The following SLC10A7 variants were observed in gnomAD, a reference collection of about 807,000 sequenced individuals.
The protein encoded by SLC10A7 is sodium/bile acid cotransporter 7.
Under a neutral mutation model 43.2 loss-of-function variants are expected in SLC10A7, and 29 were observed. The observed-to-expected ratio is 0.67, with a 90% CI of 0.50 to 0.92. The LOEUF is 0.92. SLC10A7 is among the 40% of genes least tolerant of loss of function. The pLI is 0.00. For missense variants in SLC10A7, 295 were observed against 403.2 expected (o/e 0.73, Z 2.30); for synonymous variants, 152 against 144.8 (o/e 1.05, Z -0.35).
At chr4:146,283,075 C>T in intron 10 of SLC10A7, 117 bp downstream of exon 10, 1 of 767,124 alleles carries the variant, frequency 1.3e-6, no homozygotes, top group Non-Finnish European at 2.2e-6. Flanking sequence ...TGTTCCTTAT[C>T]TAATAGTGTG....
chr4:146,370,648 C>G (rs556114849), intron 5 of SLC10A7, among the ~76,000 whole-genome samples: 11 of 152,222 alleles, frequency 7.2e-5, no homozygotes, highest in Non-Finnish European at 1.6e-4. Context: ...CGGCATTCAG[C>G]CTTTTTTAAT....
At chr4:146,463,659 T>C (rs539029912) in intron 4 of SLC10A7, among the ~76,000 whole-genome samples, 2 of 152,096 alleles carry the variant, frequency 1.3e-5, no homozygotes, top group East Asian at 3.9e-4. Context: ...GAGGATTGCT[T>C]GGGCTCATGA....
intron 10 of SLC10A7, among the ~76,000 whole-genome samples, chr4:146,267,470 G>A (rs534854746): frequency 2.0e-5 from 3 of 152,276 alleles, no homozygotes; most frequent in East Asian, 3.9e-4. Context: ...CACAGATCAC[G>A]TGACCTGCTC....
chr4:146,285,627 C>A (rs1227565706), intron 9 of SLC10A7, among the ~76,000 whole-genome samples: 1 of 151,974 alleles, frequency 6.6e-6, no homozygotes, highest in Non-Finnish European at 1.5e-5. Flanking sequence ...GAAGGAAGAA[C>A]CAAAGAGAAA....
At chr4:146,467,992 A>ATATTTAATATATATTAAAT (rs1579265758) in intron 4 of SLC10A7, among the ~76,000 whole-genome samples, 1 of 152,294 alleles carries the variant, frequency 6.6e-6, no homozygotes, top group East Asian at 1.9e-4. Context: ...GGGAGAAGAG[A>ATATTTAATATATATTAAAT]GATATTACAG....
chr4:146,517,081 A>G lies in SLC10A7; in HGVS notation c.140T>C (p.Val47Ala). The change falls in exon 2 of 12, where the codon GTT (valine) becomes GCT (alanine). Residue 47 changes from valine (V) to alanine (A), a missense_variant. Physicochemically the swap from Val to Ala is moderately conservative, Grantham distance 64 (BLOSUM62 0). Around this residue, in one of 2 missense-constraint regions of SLC10A7, gnomAD observed 242 missense variants for 362.5 expected, o/e 0.67. Coordinates refer to ENST00000335472, the MANE Select transcript of SLC10A7 (RefSeq NM_001029998.6). Reference sequence around the variant, plus strand: ...TCCACTGTTAAAGAATATTGTTGCAACAGCAATGTAGGATACAGTTATTTC... The same window carrying G: ...TCCACTGTTAAAGAATATTGTTGCAGCAGCAATGTAGGATACAGTTATTTC... ...KPEITVSYIA[V>A]ATIFFNSGLS... 6.2e-7 allele frequency: 1 copy of G among 1,610,890 alleles called. No homozygotes were observed. Among genetic ancestry groups the G allele is most frequent in the African/African-American group, 1.3e-5 (1 of 74,998 alleles).
intron 5 of SLC10A7, among the ~76,000 whole-genome samples, chr4:146,329,870 TTTAA>T (rs1733414573): frequency 6.6e-6 from 1 of 152,242 alleles, no homozygotes; most frequent in Admixed American, 6.5e-5. Flanking sequence ...TGCAGCTCAA[TTTAA>T]TTATTTCTCT....
At chr4:146,363,177 T>C (rs1437901510) in intron 5 of SLC10A7, among the ~76,000 whole-genome samples, 2 of 152,058 alleles carry the variant, frequency 1.3e-5, no homozygotes, top group Non-Finnish European at 2.9e-5. Context: ...AAAAAGATAT[T>C]CTATGCAAAT....
intron 4 of SLC10A7, among the ~76,000 whole-genome samples, chr4:146,459,442 T>C (rs1732342926): frequency 6.6e-6 from 1 of 151,736 alleles, no homozygotes; most frequent in African/African-American, 2.4e-5. Flanking sequence ...GTTATGCTAA[T>C]CAAGATAATG....
At chr4:146,385,089 AT>A (rs1197848275) in intron 5 of SLC10A7, among the ~76,000 whole-genome samples, 18 of 151,846 alleles carry the variant, frequency 1.2e-4, no homozygotes, top group Non-Finnish European at 1.9e-4. Flanking sequence ...TCTCCTTAGT[AT>A]TTTTTCTCTT....
rs1353943846 is a variant in SLC10A7 at position 146,443,514 on chromosome 4, C to T, written c.397-693G>A. Among the ~76,000 whole-genome samples the T allele has an allele frequency of 2.0e-5, 3 of 152,180 alleles. No individual in the cohort carries two copies. The East Asian group carries it at 5.8e-4, about 29-fold the overall frequency. On this transcript the variant is annotated intron_variant, in intron 4 of 11. Coordinates refer to ENST00000335472, the MANE Select transcript of SLC10A7 (RefSeq NM_001029998.6). ...ATATTCAATGAAGCTATACCAGAGT[C>T]CTGCAAGCTTCTCACATTACCCAAA...
intron 5 of SLC10A7, among the ~76,000 whole-genome samples, chr4:146,339,384 C>T (rs1399302764): frequency 6.6e-6 from 1 of 151,914 alleles, no homozygotes; most frequent in Non-Finnish European, 1.5e-5. Flanking sequence ...CTGCACTACA[C>T]TTGCCTTGTT....
intron 7 of SLC10A7, among the ~76,000 whole-genome samples, chr4:146,295,288 C>CA (rs1560773066): frequency 6.6e-6 from 1 of 151,974 alleles, no homozygotes. Flanking sequence ...GGTACAGGTA[C>CA]AAAATCCTGA....
rs1026647241 is a variant in SLC10A7, at chr4:146,283,403, G to A, written c.774-138C>T. The A allele has an allele frequency of 7.6e-6, 5 of 654,434 alleles. No individual in the cohort carries two copies. In the African/African-American group the frequency reaches 9.1e-5, roughly 12 times the overall value. 40.5% of individuals were successfully genotyped at this position (654,434 alleles called of 1,614,324 possible). ...GACAGTAGTAATTCTACACCCAAAT[G>A]TACAGAAGTGTCTGGATTTCTTTTT... On this transcript the variant is annotated intron_variant, in intron 9 of 11. Transcript: ENST00000335472.
At chr4:146,494,780 G>T (rs1261042767) in intron 4 of SLC10A7, among the ~76,000 whole-genome samples, 1 of 152,058 alleles carries the variant, frequency 6.6e-6, no homozygotes, top group African/African-American at 2.4e-5. Flanking sequence ...CTGGCCTCTG[G>T]GATTGGTGAC....
At chr4:146,379,682 A>G (rs1737461576) in intron 5 of SLC10A7, among the ~76,000 whole-genome samples, 2 of 152,164 alleles carry the variant, frequency 1.3e-5, no homozygotes, top group Non-Finnish European at 2.9e-5. Flanking sequence ...AATATTAGCA[A>G]TTAATTACTT....
intron 4 of SLC10A7, among the ~76,000 whole-genome samples, 167 bp downstream of exon 4, chr4:146,503,682 T>C (rs1030909347): frequency 1.3e-5 from 2 of 152,294 alleles, no homozygotes; most frequent in East Asian, 3.9e-4. Flanking sequence ...TCCATCATAA[T>C]CAATTTTAGC....
intron 5 of SLC10A7, among the ~76,000 whole-genome samples, chr4:146,339,233 T>C (rs1734089352): frequency 6.6e-6 from 1 of 151,936 alleles, no homozygotes; most frequent in Non-Finnish European, 1.5e-5. Flanking sequence ...ACCCAGACCA[T>C]GTCTACACAT....
At chr4:146,492,176 CGT>C (rs1735518317) in intron 4 of SLC10A7, among the ~76,000 whole-genome samples, 3 of 151,156 alleles carry the variant, frequency 2.0e-5, no homozygotes, top group Non-Finnish European at 2.9e-5. Flanking sequence ...GCCGAGATCG[CGT>C]CACTGCACTC....
Sources: allele counts gnomAD v4.1 joint callset (sites outside exome capture counted in the v4.1 genomes callset), GRCh38; gene constraint gnomAD v4.1.1; regional missense constraint gnomAD v4.1.1; transcripts MANE v1.5; gene names NCBI Gene and HGNC (gene_info 2026-07-23, HGNC 2026-07-21).